Variants in COG2 observed in about 807,000 individuals in gnomAD.
COG2 encodes conserved oligomeric Golgi complex subunit 2.
A neutral mutation model predicts 90.6 loss-of-function variants in COG2; 52 were observed. That is an observed-to-expected ratio of 0.57 (90% CI 0.46 to 0.72). COG2 has a LOEUF of 0.72. Among genes scored for constraint, COG2 ranks in the 30% least tolerant of loss-of-function variants. COG2 has a pLI of 0.00. For synonymous variants in COG2, 337 were observed against 320.4 expected (o/e 1.05, Z -0.55); for missense variants, 829 against 891.2 (o/e 0.93, Z 0.89).
intron 1 of COG2, among the ~76,000 whole-genome samples, chr1:230,652,644 C>T (rs1421978266): frequency 6.6e-6 from 1 of 152,104 alleles, no homozygotes; most frequent in Non-Finnish European, 1.5e-5. Flanking sequence ...TTCCATTTTG[C>T]ATTCTTACCA....
At chr1:230,656,217 C>G (rs80005708) in intron 1 of COG2, among the ~76,000 whole-genome samples, 1 of 152,112 alleles carries the variant, frequency 6.6e-6, no homozygotes, top group Non-Finnish European at 1.5e-5. Context: ...AGTTTTAGAT[C>G]TTTCCTCCTT....
At position 230,691,397 on chromosome 1, in the gene COG2, G is replaced by T. The variant is rs751261062; in HGVS notation, c.1948G>T (p.Val650Leu). Residue 650 changes from valine to leucine, a missense_variant, in exon 17 of 18, where the codon GTG becomes TTG. Transcript: ENST00000366669. ...CTTCTATTCAAGGTACTATGAAACC[G>T]TGTCAGATGTATTAAACTCTGTGAA... ...SESTHKYYET[V>L]SDVLNSVKKM... 9.3e-6 allele frequency: 15 copies of T among 1,612,770 alleles called. No individual in the cohort carries two copies. Among genetic ancestry groups the T allele is most frequent in the Non-Finnish European group, 1.2e-5 (14 of 1,179,534 alleles).
At chr1:230,671,774 A>C (rs1662455784) in intron 8 of COG2, 134 bp downstream of exon 8, 1 of 819,424 alleles carries the variant, frequency 1.2e-6, no homozygotes, top group Non-Finnish European at 1.9e-6. Flanking sequence ...TTGTTATTTC[A>C]TTGTTTCTAC....
intron 1 of COG2, chr1:230,642,892 A>G (rs1661661215): frequency 7.3e-6 from 4 of 550,256 alleles, no homozygotes; most frequent in South Asian, 4.6e-5. Context: ...TGCGTGTTAC[A>G]TGGAAAGGCC....
intron 4 of COG2, among the ~76,000 whole-genome samples, chr1:230,664,121 T>G (rs946886717): frequency 6.6e-5 from 10 of 151,846 alleles, no homozygotes; most frequent in African/African-American, 2.2e-4. Flanking sequence ...CCTGGGAAGT[T>G]GAGGCTGCAG....
chr1:230,666,136 A>G (rs1162860845), intron 5 of COG2, among the ~76,000 whole-genome samples: 1 of 152,120 alleles, frequency 6.6e-6, no homozygotes, highest in African/African-American at 2.4e-5. Flanking sequence ...GACGTTCTCC[A>G]GGCACTTCAC....
At chr1:230,660,003 C>T (rs1662147529) in intron 2 of COG2, among the ~76,000 whole-genome samples, 1 of 152,116 alleles carries the variant, frequency 6.6e-6, no homozygotes, top group East Asian at 1.9e-4. Flanking sequence ...CATACGCTAG[C>T]CACAGCTAGA....
chr1:230,693,187 A>C, intron 17 of COG2, 105 bp from the exon 18 acceptor site: 1 of 653,518 alleles, frequency 1.5e-6, no homozygotes, highest in Non-Finnish European at 2.7e-6. Context: ...TCTTCAGGGA[A>C]CTGTCTTCTG....
chr1:230,668,330 G>A (rs1413347463), intron 5 of COG2, among the ~76,000 whole-genome samples: 1 of 152,132 alleles, frequency 6.6e-6, no homozygotes, highest in Non-Finnish European at 1.5e-5. Flanking sequence ...ATGAATGGGA[G>A]AGCTTGGAGT....
rs928487742 is a variant in COG2 at position 230,663,236 on chromosome 1, T to C, written c.381+15T>C. 3.8e-6 allele frequency: 6 copies of C among 1,598,728 alleles called. No individual in the cohort carries two copies. The highest frequency in any genetic ancestry group is 5.1e-6 in the Non-Finnish European group (6 of 1,169,172). Reference sequence around the variant, plus strand: ...GGAAAAAAAAGGTATACTCAAATATTACAATATTAAATCGTTGATTCACTG... The same window carrying C: ...GGAAAAAAAAGGTATACTCAAATATCACAATATTAAATCGTTGATTCACTG... On this transcript the variant is annotated intron_variant, in intron 4 of 17. Coordinates refer to ENST00000366669, the MANE Select transcript of COG2 (RefSeq NM_007357.3).
chr1:230,668,625 TG>T, intron 5 of COG2, 50 bp from the exon 6 acceptor site: 1 of 1,131,550 alleles, frequency 8.8e-7, no homozygotes, highest in Non-Finnish European at 1.3e-6. Context: ...TGTATTCTCG[TG>T]GAAATAGAGA....
intron 1 of COG2, among the ~76,000 whole-genome samples, chr1:230,652,443 A>G (rs1571942815): frequency 1.3e-5 from 2 of 152,136 alleles, no homozygotes. Context: ...CAGTTTGTTC[A>G]TCTATTTACC....
chr1:230,671,309 C>T (rs1230020283), intron 7 of COG2: 1 of 332,674 alleles, frequency 3.0e-6, no homozygotes, highest in Non-Finnish European at 5.5e-6. Flanking sequence ...CATGTCTCCC[C>T]CACAGTTGTA....
intron 13 of COG2, 161 bp from the exon 14 acceptor site, chr1:230,687,910 G>A (rs1193528028): frequency 1.7e-6 from 1 of 582,226 alleles, no homozygotes; most frequent in Non-Finnish European, 3.0e-6. Flanking sequence ...TATAGTAAAA[G>A]CATTAAAACT....
At chr1:230,651,682 A>G (rs1661918231) in intron 1 of COG2, among the ~76,000 whole-genome samples, 1 of 152,226 alleles carries the variant, frequency 6.6e-6, no homozygotes, top group Non-Finnish European at 1.5e-5. Context: ...CTGGGCTTTC[A>G]GGCCATAATT....
chr1:230,666,973 C>T lies in COG2; in HGVS notation c.486-1703C>T, dbSNP rs575214563. On this transcript the variant is annotated intron_variant, in intron 5 of 17. Transcript: ENST00000366669. The stretch of plus-strand genomic sequence containing the variant: ...ACAAACAAGACACTACAAGAGTTCC[C>T]TTCCATAAAGCTCAATTACAAGACC... Among the ~76,000 whole-genome samples the T allele has an allele frequency of 7.2e-5, 11 of 152,340 alleles. No homozygotes were observed. In the East Asian group the frequency reaches 1.9e-3, roughly 27 times the overall value.
intron 1 of COG2, among the ~76,000 whole-genome samples, chr1:230,653,914 G>C (rs1194357057): frequency 6.6e-6 from 1 of 151,514 alleles, no homozygotes; most frequent in Admixed American, 6.6e-5. Flanking sequence ...ACATTCATGA[G>C]GACAAAGCCC....
intron 1 of COG2, among the ~76,000 whole-genome samples, chr1:230,654,907 T>C: frequency 6.6e-6 from 1 of 152,208 alleles, no homozygotes; most frequent in South Asian, 2.1e-4. Flanking sequence ...TGTCTGTTAT[T>C]GGTGTATAGG....
intron 16 of COG2, among the ~76,000 whole-genome samples, chr1:230,690,534 CTT>C (rs1663002103): frequency 2.0e-5 from 3 of 152,352 alleles, no homozygotes; most frequent in Admixed American, 2.0e-4. Flanking sequence ...ACTCAAAGGA[CTT>C]AGGTTGGTGA....
Sources: gnomAD v4.1 joint callset for allele counts (sites outside exome capture counted in the v4.1 genomes callset) on GRCh38, gnomAD v4.1.1 for gene constraint, MANE v1.5 for transcripts, NCBI Gene and HGNC (gene_info 2026-07-23, HGNC 2026-07-21) for gene names.